Variants in HDAC9 observed in about 807,000 individuals in gnomAD.
HDAC9 encodes histone deacetylase 9.
HDAC9 carries 41 observed loss-of-function variants against 139.4 expected under a neutral mutation model. That is an observed-to-expected ratio of 0.29 (90% confidence interval 0.23 to 0.38). The LOEUF is 0.38. Among genes scored for constraint, HDAC9 ranks in the 10% least tolerant of loss-of-function variants. The pLI is 1.00. For missense variants in HDAC9, 1,147 were observed against 1,297.0 expected, an observed-to-expected ratio of 0.88 and a Z score of 1.78; for synonymous variants, 517 against 476.2, an observed-to-expected ratio of 1.09 and a Z score of -1.12.
At chr7:18,568,996 G>A (rs1161069744) in intron 2 of HDAC9, among the ~76,000 whole-genome samples, 3 of 152,052 alleles carry the variant, frequency 2.0e-5, no homozygotes, top group Non-Finnish European at 2.9e-5. Context: ...GCAATGAGCC[G>A]AGATCACGCC....
rs1396685272 is a variant in HDAC9 at position 18,235,360 on chromosome 7, A to G, written c.25+73011A>G. Among the ~76,000 whole-genome samples, 5 of 152,208 alleles carry G rather than the reference A, an allele frequency of 3.3e-5. No individual in the cohort carries two copies. In the East Asian group the frequency reaches 7.7e-4, roughly 23 times the overall value. ...TGGTATTCTGGTAAATGTTTTAACA[A>G]CGAACTCTCTGAAAACAATGCACAA... is the stretch of plus-strand genomic sequence containing the variant. On this transcript the variant is annotated intron_variant, in intron 2 of 12. Coordinates refer to the HDAC9 transcript ENST00000417496.
chr7:18,756,095 G>A (rs566645143), intron 14 of HDAC9, among the ~76,000 whole-genome samples: 16 of 152,152 alleles, frequency 1.1e-4, no homozygotes, highest in Non-Finnish European at 1.5e-4. Context: ...ATTGCACCCA[G>A]ACAAAGGTAA....
chr7:18,749,219 A>G, intron 14 of HDAC9, 81 bp downstream of exon 14: 2 of 1,410,496 alleles, frequency 1.4e-6, no homozygotes, highest in East Asian at 4.8e-5. Flanking sequence ...GGAGTAATAG[A>G]AAAATATTAA....
intron 6 of HDAC9, among the ~76,000 whole-genome samples, chr7:18,598,174 T>G (rs903715784): frequency 1.4e-4 from 22 of 152,186 alleles, no homozygotes; most frequent in African/African-American, 5.3e-4. Flanking sequence ...AATACACTTG[T>G]GCATGTGTGA....
chr7:18,257,899 A>G (rs1271381329), intron 2 of HDAC9, among the ~76,000 whole-genome samples: 2 of 152,210 alleles, frequency 1.3e-5, no homozygotes, highest in African/African-American at 4.8e-5. Context: ...ACTGTAAGGG[A>G]GGGACTTAGA....
chr7:18,367,220 G>C (rs1373800562), intron 1 of HDAC9, among the ~76,000 whole-genome samples: 1 of 152,028 alleles, frequency 6.6e-6, no homozygotes, highest in Non-Finnish European at 1.5e-5. Flanking sequence ...TGCATTCTAA[G>C]GGGTTGCAAA....
At chr7:18,541,149 T>TTTG (rs1812746596) in intron 2 of HDAC9, among the ~76,000 whole-genome samples, 1 of 147,190 alleles carries the variant, frequency 6.8e-6, no homozygotes, top group Admixed American at 6.8e-5. Flanking sequence ...GTGTTTTTTT[T>TTTG]TTTTTTTTTT....
At chr7:18,599,421 A>G (rs1457444217) in intron 6 of HDAC9, among the ~76,000 whole-genome samples, 1 of 152,204 alleles carries the variant, frequency 6.6e-6, no homozygotes, top group Non-Finnish European at 1.5e-5. Flanking sequence ...ATGATATAGA[A>G]TAGTTTTACC....
intron 17 of HDAC9, among the ~76,000 whole-genome samples, chr7:18,804,155 A>C (rs1793519862): frequency 6.6e-6 from 1 of 152,212 alleles, no homozygotes; most frequent in South Asian, 2.1e-4. Context: ...ACTGATAAGG[A>C]GAGATTTGTG....
At chr7:18,911,244 T>A (rs1374777082) in intron 22 of HDAC9, among the ~76,000 whole-genome samples, 1 of 151,766 alleles carries the variant, frequency 6.6e-6, no homozygotes, top group East Asian at 1.9e-4. Context: ...TTTATACTTG[T>A]GTCCGTTTTA....
At chr7:18,606,183 C>G (rs914302198) in intron 6 of HDAC9, among the ~76,000 whole-genome samples, 1 of 152,192 alleles carries the variant, frequency 6.6e-6, no homozygotes, top group Non-Finnish European at 1.5e-5. Context: ...GCCCTGCAAC[C>G]TTAATTCTCT....
At chr7:18,804,615 C>T (rs973696123) in intron 17 of HDAC9, among the ~76,000 whole-genome samples, 1 of 152,072 alleles carries the variant, frequency 6.6e-6, no homozygotes, top group African/African-American at 2.4e-5. Context: ...CATTGAAATA[C>T]CTGTGTTGAC....
In HDAC9 at chr7:18,585,363, C is replaced by G; in HGVS notation, c.105C>G (p.Pro35=). Residue 35 remains proline, a synonymous_variant, in exon 3 of 26, where the codon CCC becomes CCG. Coordinates refer to ENST00000686413, the MANE Select transcript of HDAC9 (RefSeq NM_178425.4). ...DLRTDLRMMM[P]VVDPVVREKQ... The stretch of plus-strand genomic sequence containing the variant: ...GGACAGACCTCAGGATGATGATGCC[C>G]GTGGTGGACCCTGTTGTCCGTGAGA... The G allele has an allele frequency of 6.2e-7, 1 of 1,613,892 alleles. No homozygotes were observed. Among genetic ancestry groups the G allele is most frequent in the South Asian group, 1.1e-5 (1 of 91,074 alleles).
chr7:18,641,936 A>G (rs927555196), intron 8 of HDAC9, among the ~76,000 whole-genome samples: 3 of 152,102 alleles, frequency 2.0e-5, no homozygotes, highest in Admixed American at 1.3e-4. Flanking sequence ...GACTGCTCCG[A>G]TCAAAAAGCA....
intron 2 of HDAC9, among the ~76,000 whole-genome samples, chr7:18,209,655 G>C (rs2128166806): frequency 6.6e-6 from 1 of 152,002 alleles, no homozygotes; most frequent in Admixed American, 6.5e-5. Flanking sequence ...AGAGTGGTTG[G>C]AGCTTAATAA....
At chr7:18,748,871 T>G (rs1345816415) in intron 13 of HDAC9, 134 bp from the exon 14 acceptor site, 10 of 853,008 alleles carry the variant, frequency 1.2e-5, no homozygotes, top group Non-Finnish European at 1.8e-5. Context: ...GAGAATTTGC[T>G]TTGTGATATT....
At chr7:18,283,980 AGTTAAACCAATGTGTTTAAG>A (rs1264204006) in intron 2 of HDAC9, among the ~76,000 whole-genome samples, 1 of 152,210 alleles carries the variant, frequency 6.6e-6, no homozygotes. Flanking sequence ...ATCCTCTGGA[AGTTAAACCAATGTGTTTAAG>A]GTTAAACCCT....
chr7:18,254,763 G>T (rs1301812218), intron 2 of HDAC9, among the ~76,000 whole-genome samples: 1 of 152,158 alleles, frequency 6.6e-6, no homozygotes, highest in Non-Finnish European at 1.5e-5. Context: ...AAATCTGGCA[G>T]TTTAGAGCAC....
intron 22 of HDAC9, among the ~76,000 whole-genome samples, chr7:18,903,347 T>A (rs1448371035): frequency 6.6e-6 from 1 of 152,252 alleles, no homozygotes; most frequent in Non-Finnish European, 1.5e-5. Context: ...AATACTTGTG[T>A]GGCGCCTAAG....
Sources: allele counts gnomAD v4.1 joint callset (sites outside exome capture counted in the v4.1 genomes callset), GRCh38; gene constraint gnomAD v4.1.1; transcripts MANE v1.5; gene names NCBI Gene and HGNC (gene_info 2026-07-23, HGNC 2026-07-21).